The following SNX17 variants were observed in gnomAD, a reference collection of about 807,000 sequenced individuals.
SNX17 encodes sorting nexin 17.
In SNX17, 35 loss-of-function variants were observed where a neutral mutation model predicts 64.3. The observed-to-expected ratio is 0.54, with a 90% CI of 0.42 to 0.72. The LOEUF (loss-of-function observed/expected upper bound fraction) is 0.72, where lower values mean the gene tolerates loss of function less well. Ranked by LOEUF, SNX17 falls within the 30% of genes least tolerant of loss-of-function variation. SNX17 has a pLI of 0.00. For missense variants in SNX17, 538 were observed against 610.0 expected, an observed-to-expected ratio of 0.88 and a Z score of 1.24; for synonymous variants, 259 against 230.2, an observed-to-expected ratio of 1.13 and a Z score of -1.13.
In SNX17 at chr2:27,375,221, C is replaced by T. The variant is rs552146863; in HGVS notation, c.774+68C>T. The T allele has an allele frequency of 6.4e-5, 91 of 1,427,598 alleles. No homozygotes were observed. The African/African-American group carries it at 1.1e-3, about 16-fold the overall frequency. The allele number at this position is 1,427,598 out of a possible 1,614,324, so 88.4% of individuals were successfully genotyped here. On this transcript the variant is annotated intron_variant, in intron 9 of 14. Coordinates refer to ENST00000233575, the MANE Select transcript of SNX17 (RefSeq NM_014748.4). The surrounding 1 kb of genome is among the most constrained non-coding windows in gnomAD (Gnocchi z 4.1). ...TGGCGCGATCTTGGCTCACTGCAAG[C>T]TCTGCCTCTCAGATTCATGCCATTC...
chr2:27,374,803 C>CTT, intron 8 of SNX17, 45 bp downstream of exon 8: 2 of 1,562,454 alleles, frequency 1.3e-6, no homozygotes. Flanking sequence ...AAGAAAATAA[C>CTT]GGGTGACTCA....
intron 2 of SNX17, among the ~76,000 whole-genome samples, chr2:27,372,184 T>A (rs1682675920): frequency 6.6e-6 from 1 of 152,214 alleles, no homozygotes; most frequent in African/African-American, 2.4e-5. Flanking sequence ...AGAAACTGAT[T>A]TCTTTGGGCC....
chr2:27,370,687 G>A lies in SNX17; in HGVS notation c.-57G>A. On this transcript the variant is annotated 5_prime_UTR_variant, in exon 1 of 15. Coordinates refer to ENST00000233575, the MANE Select transcript of SNX17 (RefSeq NM_014748.4). Reference sequence around the variant, plus strand: ...TCGCTGAGCAGCGGAGGGGGAGCGTGCAGAGCCGCTGCGGCCCTCACAGTC... The same window carrying A: ...TCGCTGAGCAGCGGAGGGGGAGCGTACAGAGCCGCTGCGGCCCTCACAGTC... The A allele has an allele frequency of 6.6e-7, 1 of 1,509,398 alleles. No individual in the cohort carries two copies. The highest frequency in any genetic ancestry group is 2.5e-5 in the East Asian group (1 of 40,088). The allele number at this position is 1,509,398 out of a possible 1,614,324, so 93.5% of individuals were successfully genotyped here.
Position 27,374,421 on chromosome 2 carries a change from T to C in SNX17, c.599T>C (p.Val200Ala), listed in dbSNP as rs1558304566. ...CTTCGGAGTCAAGAGTATAAGATTGTGCTAAGGAAGAGGTCAGGGCTGGGC... is the reference window on the plus strand; with the variant it reads ...CTTCGGAGTCAAGAGTATAAGATTGCGCTAAGGAAGAGGTCAGGGCTGGGC... ...TSLRSQEYKI[V>A]LRKSYWDSAY... Residue 200 changes from valine (V) to alanine (A), a missense_variant, in exon 7 of 15, where the codon GTG becomes GCG. By Grantham distance (64) the Val-to-Ala change is moderately conservative (BLOSUM62 0). Transcript: ENST00000233575. 6.2e-7 allele frequency: 1 copy of C among 1,613,746 alleles called. No individual in the cohort carries two copies.
rs1320282232 is a variant in SNX17, at chr2:27,371,338, G to C, written c.133G>C (p.Glu45Gln). ...VRYSQLLGLH[E>Q]QLRKEYGANV... ...CTACAGCCAGCTCCTGGGGCTGCAC[G>C]AGCAGGTGGGACTAGCACCCCTGCC... The change falls in exon 2 of 15, where the codon GAG (glutamate) becomes CAG (glutamine). Residue 45 changes from glutamate to glutamine, a missense_variant. Physicochemically the swap from Glu to Gln is conservative, Grantham distance 29. This residue lies in a region of SNX17 where 505 missense variants were observed against 550.4 expected (regional missense o/e 0.92). Coordinates refer to ENST00000233575, the MANE Select transcript of SNX17 (RefSeq NM_014748.4). 1 of 1,611,594 alleles carries C rather than the reference G, an allele frequency of 6.2e-7. No homozygotes were observed. The highest frequency in any genetic ancestry group is 1.3e-5 in the African/African-American group (1 of 74,858).
rs1372253522 is a variant in SNX17, at chr2:27,377,303, C to A, written c.*584C>A. 3.1e-6 allele frequency: 2 copies of A among 650,434 alleles called. No individual in the cohort carries two copies. The highest frequency in any genetic ancestry group is 5.5e-6 in the Non-Finnish European group (2 of 360,696). 40.3% of individuals were successfully genotyped at this position (650,434 alleles called of 1,614,324 possible). On this transcript the variant is annotated 3_prime_UTR_variant, in exon 15 of 15. Coordinates refer to ENST00000233575, the MANE Select transcript of SNX17 (RefSeq NM_014748.4). This position sits in a 1 kb window ranked among gnomAD's most constrained non-coding sequence, Gnocchi z 4.4. The stretch of plus-strand genomic sequence containing the variant: ...ATAAACAGGTGGGAGGCTGGGCAGT[C>A]CCCCAGCCGGTTTGTCCACAGCCCC...
chr2:27,377,102 C>A lies in SNX17; in HGVS notation c.*383C>A. ...TGTTTGGTCTGGCCCAGTTCCCCAT[C>A]ATTAAACTCAGCCTGACTGCTGCCT... is the stretch of plus-strand genomic sequence containing the variant. On this transcript the variant is annotated 3_prime_UTR_variant, in exon 15 of 15. Coordinates refer to ENST00000233575, the MANE Select transcript of SNX17 (RefSeq NM_014748.4). The surrounding 1 kb of genome is among the most constrained non-coding windows in gnomAD (Gnocchi z 4.4). 1 of 406,274 alleles carries A rather than the reference C, an allele frequency of 2.5e-6. No individual in the cohort carries two copies. The highest frequency in any genetic ancestry group is 3.7e-5 in the Admixed American group (1 of 26,858). 25.2% of individuals were successfully genotyped at this position (406,274 alleles called of 1,614,324 possible).
rs780090965 is a variant in SNX17, at chr2:27,375,643, T to C, written c.912T>C (p.Pro304=). The C allele has an allele frequency of 6.2e-7, 1 of 1,614,092 alleles. No individual in the cohort carries two copies. Among genetic ancestry groups the C allele is most frequent in the East Asian group, 2.2e-5 (1 of 44,892 alleles). ...AGCTCAGCCTGCAGCTCCGCCTGCC[T>C]GGCCAGCAACTCCGAGAAGGCTCCT... The part of the protein sequence containing the change: ...NSELSLQLRL[P]GQQLREGSFR... The change falls in exon 10 of 15, where the codon CCT becomes CCC. Residue 304 remains proline (P), a synonymous_variant. Transcript: ENST00000233575. The surrounding 1 kb of genome is among the most constrained non-coding windows in gnomAD (Gnocchi z 4.1).
intron 7 of SNX17, 21 bp downstream of exon 7, chr2:27,374,454 G>A: frequency 6.3e-7 from 1 of 1,585,670 alleles, no homozygotes; most frequent in African/African-American, 1.3e-5. Context: ...GGCCTGGAAG[G>A]GGAGGGGTGG....
In SNX17 at chr2:27,371,807, C is replaced by T. The variant is rs112000563; in HGVS notation, c.138+464C>T. 2.3e-3 allele frequency among the ~76,000 whole-genome samples: 348 copies of T among 152,314 alleles called. 1 individual carries two copies. The highest frequency in any genetic ancestry group is 3.9e-3 in the Non-Finnish European group (268 of 68,030). On this transcript the variant is annotated intron_variant, in intron 2 of 14. Transcript: ENST00000233575. ...GTATCTGTGATGCAATGTTTCTCCTCCTTCCTTACCAGATCTTAAACTCTA... is the reference window on the plus strand; with the variant it reads ...GTATCTGTGATGCAATGTTTCTCCTTCTTCCTTACCAGATCTTAAACTCTA...
chr2:27,374,667 T>A (rs1202106783), intron 7 of SNX17, 22 bp from the exon 8 acceptor site: 1 of 1,613,276 alleles, frequency 6.2e-7, no homozygotes, highest in Non-Finnish European at 8.5e-7. Context: ...CCATTACCCC[T>A]TTCCACCCCT....
intron 2 of SNX17, 53 bp from the exon 3 acceptor site, chr2:27,372,570 C>T (rs1682742351): frequency 6.2e-7 from 1 of 1,613,376 alleles, no homozygotes; most frequent in Non-Finnish European, 8.5e-7. Context: ...TGTAGATTGC[C>T]TCATCTCATT....
At position 27,374,738 on chromosome 2, in the gene SNX17, C is replaced by T. The variant is rs1281241144; in HGVS notation, c.661C>T (p.Leu221=). ...DDDVMENRVG[L]NLLYAQTVSD... ...CGATGTCATGGAGAACCGGGTTGGC[C>T]TGAACCTGCTTTATGCTCAGGTGAG... The change falls in exon 8 of 15, where the codon CTG becomes TTG. Residue 221 remains leucine, a synonymous_variant. Transcript: ENST00000233575. The T allele has an allele frequency of 1.2e-6, 2 of 1,614,162 alleles. No individual in the cohort carries two copies. The highest frequency in any genetic ancestry group is 2.2e-5 in the South Asian group (2 of 91,084).
In SNX17 at chr2:27,376,388, G is replaced by A. The variant is rs778860531; in HGVS notation, c.1257+1G>A. The A allele has an allele frequency of 6.2e-7, 1 of 1,613,986 alleles. No individual in the cohort carries two copies. Among genetic ancestry groups the A allele is most frequent in the Admixed American group, 1.7e-5 (1 of 60,018 alleles). ...AGCAGTGAAGTCCCCACCACTGCTT[G>A]TAAGTATTACCTCCTGGTCAGAACC... On this transcript the variant is annotated splice_donor_variant, in intron 13 of 14. Coordinates refer to ENST00000233575, the MANE Select transcript of SNX17 (RefSeq NM_014748.4). LOFTEE classifies it high-confidence loss of function.
chr2:27,370,761 C>A lies in SNX17; in HGVS notation c.18C>A (p.Pro6=). 6.5e-7 allele frequency: 1 copy of A among 1,548,926 alleles called. No individual in the cohort carries two copies. Among genetic ancestry groups the A allele is most frequent in the Non-Finnish European group, 8.7e-7 (1 of 1,146,594 alleles). ...TAGGGAACATGCACTTTTCCATTCCCGAAACCGAGTCCCGCAGCGGGGACA... is the reference window on the plus strand; with the variant it reads ...TAGGGAACATGCACTTTTCCATTCCAGAAACCGAGTCCCGCAGCGGGGACA... MHFSI[P]ETESRSGDSG... The change falls in exon 1 of 15, where the codon CCC becomes CCA. Residue 6 remains proline, a synonymous_variant. Coordinates refer to ENST00000233575, the MANE Select transcript of SNX17 (RefSeq NM_014748.4).
Position 27,373,275 on chromosome 2 carries a change from C to A in SNX17, c.285C>A (p.Ser95Arg). Residue 95 changes from serine to arginine, a missense_variant, in exon 4 of 15, where the codon AGC becomes AGA. Physicochemically the swap from Ser to Arg is moderately radical, Grantham distance 110 (BLOSUM62 -1). Transcript: ENST00000233575. The stretch of plus-strand genomic sequence containing the variant: ...GGCAAGACCCATTGCTTGGGAGCAG[C>A]GAGACTTTCAACAGTTTCCTGCGTC... ...AVRQDPLLGS[S>R]ETFNSFLRRA... 6.2e-7 allele frequency: 1 copy of A among 1,614,148 alleles called. No individual in the cohort carries two copies. Among genetic ancestry groups the A allele is most frequent in the Non-Finnish European group, 8.5e-7 (1 of 1,180,018 alleles).
chr2:27,373,548 A>G, intron 4 of SNX17: 1 of 542,482 alleles, frequency 1.8e-6, no homozygotes, highest in South Asian at 2.1e-5. Flanking sequence ...TTTTTAGTGG[A>G]GACGGGGTTT....
At position 27,370,654 on chromosome 2, in the gene SNX17, G is replaced by A. The variant is rs896625864; in HGVS notation, c.-90G>A. ...GGCTCCCAAAATGGCGAGTGAGGCT[G>A]CGGGGACTCGCTGAGCAGCGGAGGG... On this transcript the variant is annotated 5_prime_UTR_variant, in exon 1 of 15. Coordinates refer to ENST00000233575, the MANE Select transcript of SNX17 (RefSeq NM_014748.4). 2 of 1,470,600 alleles carry A rather than the reference G, an allele frequency of 1.4e-6. No homozygotes were observed. The highest frequency in any genetic ancestry group is 1.4e-5 in the African/African-American group (1 of 70,674). 91.1% of individuals were successfully genotyped at this position (1,470,600 alleles called of 1,614,324 possible).
At position 27,376,638 on chromosome 2, in the gene SNX17, T is replaced by G. The variant is rs779384811; in HGVS notation, c.1332T>G (p.Ile444Met). 1 of 1,614,200 alleles carries G rather than the reference T, an allele frequency of 6.2e-7. No homozygotes were observed. Among genetic ancestry groups the G allele is most frequent in the Non-Finnish European group, 8.5e-7 (1 of 1,180,028 alleles). Residue 444 changes from isoleucine (I) to methionine (M), a missense_variant, in exon 15 of 15, where the codon ATT (isoleucine) becomes ATG (methionine). Transcript: ENST00000233575. ...TGAGTGCCGTGAGCTTGCGGGGAAT[T>G]GGCAGTCCCAGCACAGATGCCAGTG... ...SKLSAVSLRG[I>M]GSPSTDASAS... is the part of the protein sequence containing the mutation.
Sources: allele counts gnomAD v4.1 joint callset (sites outside exome capture counted in the v4.1 genomes callset), GRCh38; gene constraint gnomAD v4.1.1; regional missense constraint gnomAD v4.1.1; non-coding constraint Gnocchi (gnomAD v3.1); transcripts MANE v1.5; gene names NCBI Gene and HGNC (gene_info 2026-07-23, HGNC 2026-07-21).